EIPR1: variants seen among roughly 807,000 people sequenced by gnomAD.
EIPR1 encodes EARP complex and GARP complex interacting protein 1.
A neutral mutation model predicts 48.1 loss-of-function variants in EIPR1; 25 were observed. The ratio of observed to expected loss-of-function variants is 0.52; its 90% CI spans 0.38 to 0.73. EIPR1 has a LOEUF of 0.73. EIPR1 is among the 30% of genes least tolerant of loss of function. The probability of loss-of-function intolerance (pLI) is 0.00; values close to 1 mark genes in which losing one functional copy is unlikely to be tolerated. For missense variants in EIPR1, 415 were observed against 506.2 expected, an observed-to-expected ratio of 0.82 and a Z score of 1.73; for synonymous variants, 204 against 201.9, an observed-to-expected ratio of 1.01 and a Z score of -0.09.
intron 3 of EIPR1, among the ~76,000 whole-genome samples, chr2:3,293,532 C>T (rs1572404655): frequency 6.6e-6 from 1 of 152,242 alleles, no homozygotes; most frequent in Non-Finnish European, 1.5e-5. Context: ...ACACAGAAGA[C>T]CTGCTTCAAA....
intron 3 of EIPR1, among the ~76,000 whole-genome samples, chr2:3,305,759 GT>G (rs1164977764): frequency 6.6e-6 from 1 of 152,224 alleles, no homozygotes; most frequent in Non-Finnish European, 1.5e-5. Context: ...TGATCTGACA[GT>G]TTCAACTCAC....
At chr2:3,318,227 C>T (rs892625901) in intron 3 of EIPR1, among the ~76,000 whole-genome samples, 8 of 152,190 alleles carry the variant, frequency 5.3e-5, no homozygotes, top group Admixed American at 6.5e-5. Flanking sequence ...AAGCTGGCCC[C>T]GGTTCTTTAC....
At chr2:3,266,202 C>T (rs955662556) in intron 3 of EIPR1, among the ~76,000 whole-genome samples, 7 of 152,178 alleles carry the variant, frequency 4.6e-5, no homozygotes, top group African/African-American at 1.7e-4. Flanking sequence ...GCGAACAATG[C>T]CCTGCCTGGG....
At chr2:3,234,766 T>TG (rs1666347839) in intron 4 of EIPR1, among the ~76,000 whole-genome samples, 1 of 152,206 alleles carries the variant, frequency 6.6e-6, no homozygotes. Context: ...GCCCTGCCCT[T>TG]GCACTGGAAG....
At chr2:3,208,924 T>C (rs1342192085) in intron 5 of EIPR1, 20 of 1,532,716 alleles carry the variant, frequency 1.3e-5, no homozygotes, top group Non-Finnish European at 1.7e-5. Context: ...ACAGGGTCCG[T>C]GCACGCTCCT....
chr2:3,254,706 G>GC (rs1667101410), intron 4 of EIPR1, among the ~76,000 whole-genome samples: 1 of 152,256 alleles, frequency 6.6e-6, no homozygotes, highest in African/African-American at 2.4e-5. Flanking sequence ...GGCCTTGGAG[G>GC]CGGAAGGGAG....
intron 1 of EIPR1, among the ~76,000 whole-genome samples, chr2:3,359,161 A>G (rs977874200): frequency 6.6e-6 from 1 of 152,246 alleles, no homozygotes; most frequent in Non-Finnish European, 1.5e-5. Flanking sequence ...ATAACAACAT[A>G]TTAACATTTA....
At chr2:3,344,744 AT>A (rs1670351492) in intron 2 of EIPR1, among the ~76,000 whole-genome samples, 1 of 146,502 alleles carries the variant, frequency 6.8e-6, no homozygotes, top group African/African-American at 2.6e-5. Context: ...CCCAGTTCAA[AT>A]GATTCTCCTG....
rs559118243 is a variant in EIPR1 at position 3,196,081 on chromosome 2, C to G, written c.653+800G>C. ...CACGGGCTGAGTCTGTGGTTTCCAG[C>G]TTCTGATTAGGAAACCAAACAAGCC... is the stretch of plus-strand genomic sequence containing the variant. On this transcript the variant is annotated intron_variant, in intron 6 of 8. Coordinates refer to ENST00000382125, the MANE Select transcript of EIPR1 (RefSeq NM_003310.5). Among the ~76,000 whole-genome samples, 4 of 152,338 alleles carry G rather than the reference C, an allele frequency of 2.6e-5. No homozygotes were observed. In the South Asian group the frequency reaches 8.3e-4, roughly 32 times the overall value.
chr2:3,228,549 T>G (rs1271503501), intron 4 of EIPR1, among the ~76,000 whole-genome samples: 1 of 152,200 alleles, frequency 6.6e-6, no homozygotes, highest in Non-Finnish European at 1.5e-5. Context: ...GGGGGACTGT[T>G]GCAAGGTCAT....
At chr2:3,253,257 A>C (rs1202398058) in intron 4 of EIPR1, among the ~76,000 whole-genome samples, 1 of 152,190 alleles carries the variant, frequency 6.6e-6, no homozygotes, top group African/African-American at 2.4e-5. Context: ...TCCTGCTTCG[A>C]GTTGTCCCCC....
At chr2:3,223,443 A>G (rs1665961491) in intron 4 of EIPR1, among the ~76,000 whole-genome samples, 1 of 152,236 alleles carries the variant, frequency 6.6e-6, no homozygotes, top group Non-Finnish European at 1.5e-5. Context: ...AGAGGCCTTT[A>G]GTAAACTGTG....
At chr2:3,369,047 A>T (rs1327785976) in intron 1 of EIPR1, among the ~76,000 whole-genome samples, 1 of 152,210 alleles carries the variant, frequency 6.6e-6, no homozygotes, top group Non-Finnish European at 1.5e-5. Flanking sequence ...AAAAAACACT[A>T]TCCTTTTCAG....
At chr2:3,199,605 T>C (rs922159176) in intron 5 of EIPR1, among the ~76,000 whole-genome samples, 1 of 152,164 alleles carries the variant, frequency 6.6e-6, no homozygotes, top group Non-Finnish European at 1.5e-5. Context: ...CATGACTCCA[T>C]ATCTGGGCAG....
intron 3 of EIPR1, among the ~76,000 whole-genome samples, chr2:3,316,884 A>C (rs981650816): frequency 2.0e-5 from 3 of 152,260 alleles, no homozygotes; most frequent in African/African-American, 7.2e-5. Flanking sequence ...AAAATGCCTC[A>C]GGAAAACAGA....
At chr2:3,297,308 G>C (rs1030317340) in intron 3 of EIPR1, among the ~76,000 whole-genome samples, 2 of 152,246 alleles carry the variant, frequency 1.3e-5, no homozygotes, top group Non-Finnish European at 2.9e-5. Context: ...GGCATGAAGT[G>C]AGTGTTTCAG....
intron 4 of EIPR1, among the ~76,000 whole-genome samples, chr2:3,250,320 T>C (rs1364224504): frequency 6.6e-6 from 1 of 152,278 alleles, no homozygotes; most frequent in East Asian, 1.9e-4. Context: ...ATTTAATACC[T>C]TTCCTGCCAG....
chr2:3,300,935 A>G (rs1668746098), intron 3 of EIPR1: 1 of 152,148 alleles, frequency 6.6e-6, no homozygotes, highest in Admixed American at 6.6e-5. Flanking sequence ...TTTTCAGGGT[A>G]CAGTTCTCAA....
intron 3 of EIPR1, among the ~76,000 whole-genome samples, chr2:3,273,814 C>T (rs1667767832): frequency 6.6e-6 from 1 of 152,170 alleles, no homozygotes; most frequent in Non-Finnish European, 1.5e-5. Context: ...GAGCCTGTGA[C>T]CCACGACAAA....
Sources: gnomAD v4.1 joint callset for allele counts (sites outside exome capture counted in the v4.1 genomes callset) on GRCh38, gnomAD v4.1.1 for gene constraint, MANE v1.5 for transcripts, NCBI Gene and HGNC (gene_info 2026-07-23, HGNC 2026-07-21) for gene names.